The following TLCD4 variants were observed in gnomAD, a reference collection of about 807,000 sequenced individuals.
TLCD4 encodes the protein TLC domain containing 4, also known as TLC domain-containing protein 4.
Under a neutral mutation model 24.2 loss-of-function variants are expected in TLCD4, and 7 were observed. The ratio of observed to expected loss-of-function variants is 0.29; its 90% confidence interval spans 0.16 to 0.54. TLCD4 has a LOEUF of 0.54. Among genes scored for constraint, TLCD4 ranks in the 20% least tolerant of loss-of-function variants. The pLI is 0.95. For missense variants in TLCD4, 259 were observed against 313.9 expected (o/e 0.82, Z 1.32); for synonymous variants, 103 against 106.4 (o/e 0.97, Z 0.20).
chr1:95,148,101 A>T (rs1004531849), intron 2 of TLCD4, among the ~76,000 whole-genome samples: 94 of 152,340 alleles, frequency 6.2e-4, no homozygotes, highest in Non-Finnish European at 6.8e-4. Context: ...TAATAATGAT[A>T]AAGAGGGACT....
chr1:95,133,024 C>T lies in TLCD4; in HGVS notation c.-11-10867C>T, dbSNP rs1237428357. On this transcript the variant is annotated intron_variant, in intron 1 of 6. Coordinates refer to ENST00000370203, the MANE Select transcript of TLCD4 (RefSeq NM_152487.3). ...ATGAGAAATGATGACAGAATACAGG[C>T]AAATATTTCTAGAACTTTGTCTGTA... is the stretch of plus-strand genomic sequence containing the variant. 2.6e-5 allele frequency among the ~76,000 whole-genome samples: 4 copies of T among 151,908 alleles called. No individual in the cohort carries two copies. In the South Asian group the frequency reaches 6.2e-4, roughly 24 times the overall value.
chr1:95,188,472 G>T (rs1158814884), intron 6 of TLCD4, among the ~76,000 whole-genome samples: 1 of 152,026 alleles, frequency 6.6e-6, no homozygotes, highest in African/African-American at 2.4e-5. Context: ...AGGACTAGGG[G>T]TTTATGCTTT....
intron 2 of TLCD4, among the ~76,000 whole-genome samples, chr1:95,145,964 C>CT (rs1012866969): frequency 3.3e-5 from 5 of 152,166 alleles, no homozygotes; most frequent in Admixed American, 6.5e-5. Flanking sequence ...CTCACTCCAG[C>CT]TTTTTTTACA....
At chr1:95,116,244 G>C (rs1217830444), upstream of TLCD4, among the ~76,000 whole-genome samples, 1 of 152,126 alleles carries the variant, frequency 6.6e-6, no homozygotes, top group Non-Finnish European at 1.5e-5. Flanking sequence ...TGAAGAAATT[G>C]AGCCTCAGTG....
chr1:95,167,056 T>G (rs541927317), intron 5 of TLCD4, among the ~76,000 whole-genome samples: 38 of 151,538 alleles, frequency 2.5e-4, no homozygotes, highest in Non-Finnish European at 5.0e-4. Flanking sequence ...TTTGAGTGCC[T>G]TCTCTTTTGA....
At chr1:95,119,071 C>T (rs910005943) in intron 1 of TLCD4, among the ~76,000 whole-genome samples, 1 of 152,174 alleles carries the variant, frequency 6.6e-6, no homozygotes, top group African/African-American at 2.4e-5. Flanking sequence ...CCCAATCAGT[C>T]ATTATTTATT....
At chr1:95,173,701 C>A in intron 5 of TLCD4, 115 bp from the exon 6 acceptor site, 2 of 1,308,014 alleles carry the variant, frequency 1.5e-6, no homozygotes, top group Non-Finnish European at 1.1e-6. Flanking sequence ...ACTTCTTGAT[C>A]TGTTTTGGTA....
At chr1:95,179,462 T>C (rs911524504) in intron 6 of TLCD4, among the ~76,000 whole-genome samples, 4 of 152,216 alleles carry the variant, frequency 2.6e-5, no homozygotes, top group African/African-American at 4.8e-5. Context: ...AATTGCATAG[T>C]TCTGACAGAG....
At chr1:95,124,882 C>G (rs1378913135) in intron 1 of TLCD4, among the ~76,000 whole-genome samples, 1 of 152,022 alleles carries the variant, frequency 6.6e-6, no homozygotes, top group Non-Finnish European at 1.5e-5. Flanking sequence ...ACACCACCAC[C>G]CTGTACTTGG....
At chr1:95,123,146 C>A (rs995648111) in intron 1 of TLCD4, among the ~76,000 whole-genome samples, 9 of 152,148 alleles carry the variant, frequency 5.9e-5, no homozygotes, top group African/African-American at 1.9e-4. Flanking sequence ...GCTCAATTAA[C>A]ATGTTTTGCT....
chr1:95,150,757 A>G (rs76479397), intron 4 of TLCD4, among the ~76,000 whole-genome samples: 5,528 of 149,418 alleles, frequency 0.037, 283 homozygotes, highest in African/African-American at 0.11. Context: ...ATTCTTTTTT[A>G]TTTTTAAAAT....
chr1:95,132,125 A>G (rs1400932114), intron 1 of TLCD4, among the ~76,000 whole-genome samples: 1 of 152,216 alleles, frequency 6.6e-6, no homozygotes, highest in East Asian at 1.9e-4. Context: ...AACTTGCAGA[A>G]TTGTGAGCTA....
intron 5 of TLCD4, among the ~76,000 whole-genome samples, chr1:95,167,635 G>A (rs1030701277): frequency 6.6e-6 from 1 of 152,092 alleles, no homozygotes; most frequent in Non-Finnish European, 1.5e-5. Context: ...ACCGCTCGTG[G>A]CTTGGATAGA....
intron 5 of TLCD4, among the ~76,000 whole-genome samples, chr1:95,155,896 A>C (rs12139889): frequency 0.44 from 67,258 of 151,686 alleles, 16,371 homozygotes; most frequent in Middle Eastern, 0.58. Flanking sequence ...TAGGGATGTA[A>C]GATTTAAATA....
At chr1:95,103,014 C>T in the TLCD4 span, among the ~76,000 whole-genome samples, 12 of 150,888 alleles carry the variant, frequency 8.0e-5, no homozygotes, top group South Asian at 2.1e-3. Flanking sequence ...AGTCTTGCTT[C>T]GTTGCCCAGG....
intron 1 of TLCD4, among the ~76,000 whole-genome samples, chr1:95,140,374 A>T (rs1235806934): frequency 6.6e-6 from 1 of 152,106 alleles, no homozygotes; most frequent in Non-Finnish European, 1.5e-5. Flanking sequence ...GCTCCATTAT[A>T]ATCTTATGAG....
At chr1:95,097,754 A>G in the TLCD4 span, among the ~76,000 whole-genome samples, 1 of 150,628 alleles carries the variant, frequency 6.6e-6, no homozygotes, top group East Asian at 1.9e-4. Context: ...TGTTCCACTT[A>G]ATAGAGTATT....
At chr1:95,105,887 T>A in the TLCD4 span, among the ~76,000 whole-genome samples, 1 of 42,126 alleles carries the variant, frequency 2.4e-5, no homozygotes, top group Non-Finnish European at 7.5e-5. Context: ...AGAGCGAGAC[T>A]CCGTCTTAAA....
chr1:95,183,075 T>C (rs1481484377), intron 6 of TLCD4, among the ~76,000 whole-genome samples: 3 of 152,078 alleles, frequency 2.0e-5, no homozygotes, highest in Non-Finnish European at 4.4e-5. Context: ...GAGCACTGAG[T>C]GGTTATAACT....
Sources: gnomAD v4.1 joint callset for allele counts (sites outside exome capture counted in the v4.1 genomes callset) on GRCh38, gnomAD v4.1.1 for gene constraint, MANE v1.5 for transcripts, NCBI Gene and HGNC (gene_info 2026-07-23, HGNC 2026-07-21) for gene names.